Variants in CBR4 observed in about 807,000 individuals in gnomAD.
CBR4 encodes carbonyl reductase 4, also known as 3-oxoacyl-[acyl-carrier-protein] reductase.
A neutral mutation model predicts 21.0 loss-of-function variants in CBR4; 22 were observed. That is an observed-to-expected ratio of 1.05 (90% CI 0.75 to 1.50). CBR4 has a LOEUF of 1.50. Among genes scored for constraint, CBR4 ranks in the 40% most tolerant of loss-of-function variants. The pLI, the probability that CBR4 is intolerant of heterozygous loss-of-function variation, is 0.00. For synonymous variants in CBR4, 100 were observed against 104.4 expected (o/e 0.96, Z 0.26); for missense variants, 302 against 286.3 (o/e 1.05, Z -0.40).
At chr4:169,002,790 C>G (rs1730570901) in intron 3 of CBR4, among the ~76,000 whole-genome samples, 1 of 149,044 alleles carries the variant, frequency 6.7e-6, no homozygotes, top group East Asian at 2.0e-4. Flanking sequence ...AACCTTGCAA[C>G]AAGCAATTCT....
At position 168,989,033 on chromosome 4, in the gene CBR4, T is replaced by C. The variant is rs528393279; in HGVS notation, c.*1117A>G. On this transcript the variant is annotated 3_prime_UTR_variant, in exon 5 of 5. Transcript: ENST00000306193. The stretch of plus-strand genomic sequence containing the variant: ...GTATTTCACATTCGGTTTGTGTCTT[T>C]ATCTCTACTCCCAGGCAAATATTCT... 1.0e-6 allele frequency: 1 copy of C among 984,942 alleles called. No individual in the cohort carries two copies. Among genetic ancestry groups the C allele is most frequent in the Middle Eastern group, 5.2e-4 (1 of 1,914 alleles). The allele number at this position is 984,942 out of a possible 1,614,324, so 61.0% of individuals were successfully genotyped here.
downstream of CBR4, among the ~76,000 whole-genome samples, chr4:168,983,047 CGGA>C (rs1368666748): frequency 2.0e-5 from 3 of 152,032 alleles, no homozygotes; most frequent in East Asian, 1.9e-4. Context: ...CCAAAGCTAG[CGGA>C]AGAACAGAAC....
intron 2 of CBR4, among the ~76,000 whole-genome samples, chr4:168,895,816 ATC>A (rs1477762987): frequency 3.3e-5 from 5 of 152,256 alleles, no homozygotes; most frequent in African/African-American, 9.6e-5. Context: ...AGAAAATATT[ATC>A]TCTTTATCTT....
intron 2 of CBR4, among the ~76,000 whole-genome samples, chr4:168,954,748 C>A (rs1003638215): frequency 1.3e-5 from 2 of 152,162 alleles, no homozygotes; most frequent in Non-Finnish European, 2.9e-5. Context: ...ACATGAGATC[C>A]ATGGAAGAGA....
chr4:168,924,476 A>G, intron 2 of CBR4: 5 of 1,429,906 alleles, frequency 3.5e-6, no homozygotes, highest in Non-Finnish European at 4.0e-6. Flanking sequence ...ATGATGTATC[A>G]AAAGATACAT....
At chr4:168,931,295 T>C (rs1164197731) in intron 2 of CBR4, among the ~76,000 whole-genome samples, 4 of 152,102 alleles carry the variant, frequency 2.6e-5, no homozygotes, top group Non-Finnish European at 5.9e-5. Context: ...CCTACCTCCA[T>C]GGACATGCCT....
In CBR4 at chr4:169,006,809, T is replaced by A; in HGVS notation, c.346A>T (p.Lys116Ter). ...TNLLGSMLTC[K>*]AAMRTMIQQQ... ...TGAATCATAGTCCTCATGGCAGCTTTACAGGTCAGCATGGAACCCAAGAGG... is the reference window on the plus strand; with the variant it reads ...TGAATCATAGTCCTCATGGCAGCTTAACAGGTCAGCATGGAACCCAAGAGG... The change falls in exon 3 of 5, where the codon AAA becomes TAA. Residue 116 changes from lysine (K) to a stop codon, truncating the protein, a stop_gained. Coordinates refer to ENST00000306193, the MANE Select transcript of CBR4 (RefSeq NM_032783.5). LOFTEE classifies it high-confidence loss of function. 1 of 1,613,932 alleles carries A rather than the reference T, an allele frequency of 6.2e-7. No individual in the cohort carries two copies. Among genetic ancestry groups the A allele is most frequent in the Non-Finnish European group, 8.5e-7 (1 of 1,179,792 alleles).
At chr4:168,951,111 T>G (rs1048225712) in intron 2 of CBR4, among the ~76,000 whole-genome samples, 1 of 152,088 alleles carries the variant, frequency 6.6e-6, no homozygotes, top group African/African-American at 2.4e-5. Context: ...CAGGCTGGAG[T>G]GCAGTGGTGC....
chr4:168,964,036 A>G (rs1391411290), intron 2 of CBR4, among the ~76,000 whole-genome samples: 1 of 152,198 alleles, frequency 6.6e-6, no homozygotes, highest in Non-Finnish European at 1.5e-5. Flanking sequence ...GATCATCAGT[A>G]GTATAGTAAC....
Position 168,988,477 on chromosome 4 carries a change from G to T in CBR4, c.*1673C>A. 1 of 985,344 alleles carries T rather than the reference G, an allele frequency of 1.0e-6. No homozygotes were observed. The highest frequency in any genetic ancestry group is 1.2e-6 in the Non-Finnish European group (1 of 829,930). The allele number at this position is 985,344 out of a possible 1,614,324, so 61.0% of individuals were successfully genotyped here. On this transcript the variant is annotated 3_prime_UTR_variant, in exon 5 of 5. Coordinates refer to ENST00000306193, the MANE Select transcript of CBR4 (RefSeq NM_032783.5). ...AAGAAAACTCAAGACTGAATGGGCT[G>T]CCATAATGGGGAAGTACAGGTAGCC...
intron 2 of CBR4, among the ~76,000 whole-genome samples, chr4:168,950,714 C>T (rs540240889): frequency 4.7e-5 from 7 of 150,040 alleles, no homozygotes; most frequent in Middle Eastern, 3.4e-3. Flanking sequence ...TATTGTGTTG[C>T]TTTCTATCTC....
chr4:169,005,843 T>C, intron 3 of CBR4: 1 of 1,272,334 alleles, frequency 7.9e-7, no homozygotes, highest in Non-Finnish European at 1.0e-6. Context: ...AATTCTGGCT[T>C]GAAAAACCAT....
At chr4:168,959,582 T>TTTTTTTC (rs1763786126) in intron 2 of CBR4, among the ~76,000 whole-genome samples, 1 of 146,706 alleles carries the variant, frequency 6.8e-6, no homozygotes, top group African/African-American at 2.5e-5. Flanking sequence ...TTTTTTTTTT[T>TTTTTTTC]GGAGATAGAG....
At chr4:168,926,495 TAAAAA>T (rs796761323) in intron 2 of CBR4, 1 of 605,820 alleles carries the variant, frequency 1.7e-6, no homozygotes, top group Admixed American at 3.4e-5. Context: ...TATAAGAAAT[TAAAAA>T]AAAAACACCA....
intron 2 of CBR4, among the ~76,000 whole-genome samples, chr4:168,912,085 A>G (rs1179867114): frequency 1.3e-5 from 2 of 152,012 alleles, no homozygotes; most frequent in Non-Finnish European, 2.9e-5. Context: ...GAATCTTGCT[A>G]TGGGATTTTT....
At chr4:168,936,186 G>A (rs1763106931) in intron 2 of CBR4, among the ~76,000 whole-genome samples, 1 of 152,188 alleles carries the variant, frequency 6.6e-6, no homozygotes, top group South Asian at 2.1e-4. Context: ...CTGCAGTAGA[G>A]GGCCCTGACT....
chr4:169,010,203 A>G lies in CBR4; in HGVS notation c.-114T>C, dbSNP rs1393653966. 6 of 968,750 alleles carry G rather than the reference A, an allele frequency of 6.2e-6. No homozygotes were observed. The highest frequency in any genetic ancestry group is 8.8e-6 in the Non-Finnish European group (6 of 684,838). The allele number at this position is 968,750 out of a possible 1,614,324, so 60.0% of individuals were successfully genotyped here. ...AAAAAAAAAAAAGAAAAAAAAAGGC[A>G]AACCGCAAAAAAAAATAACGCCGCT... On this transcript the variant is annotated 5_prime_UTR_variant, in exon 1 of 5. Coordinates refer to ENST00000306193, the MANE Select transcript of CBR4 (RefSeq NM_032783.5).
downstream of CBR4, among the ~76,000 whole-genome samples, chr4:168,983,070 A>G (rs532991785): frequency 2.0e-4 from 31 of 152,264 alleles, no homozygotes; most frequent in African/African-American, 7.0e-4. Context: ...CCAAAATCAG[A>G]GCTGAACTGA....
chr4:168,983,947 T>C (rs998348182), downstream of CBR4, among the ~76,000 whole-genome samples: 3 of 152,038 alleles, frequency 2.0e-5, no homozygotes, highest in Non-Finnish European at 4.4e-5. Context: ...CCATAACCAA[T>C]ATCATACTGA....
Sources: gnomAD v4.1 joint callset for allele counts (sites outside exome capture counted in the v4.1 genomes callset) on GRCh38, gnomAD v4.1.1 for gene constraint, MANE v1.5 for transcripts, NCBI Gene and HGNC (gene_info 2026-07-23, HGNC 2026-07-21) for gene names.